Variants in GRB14 observed in about 807,000 individuals in gnomAD.
The protein encoded by GRB14 is growth factor receptor-bound protein 14.
Under a neutral mutation model 69.1 loss-of-function variants are expected in GRB14, and 38 were observed. That is an observed-to-expected ratio of 0.55 (90% CI 0.42 to 0.72). The LOEUF (loss-of-function observed/expected upper bound fraction) is 0.72, where lower values mean the gene tolerates loss of function less well. GRB14 is among the 30% of genes least tolerant of loss of function. GRB14 has a pLI of 0.00. For synonymous variants in GRB14, 247 were observed against 241.3 expected (o/e 1.02, Z -0.22); for missense variants, 666 against 666.1 (o/e 1.00, Z 0.00).
chr2:164,556,079 A>T (rs1370584525), intron 2 of GRB14, among the ~76,000 whole-genome samples: 4 of 152,184 alleles, frequency 2.6e-5, no homozygotes, highest in African/African-American at 9.6e-5. Flanking sequence ...ATTTTTAGAT[A>T]TCTTGAATTA....
intron 3 of GRB14, among the ~76,000 whole-genome samples, chr2:164,544,788 C>A (rs1345138818): frequency 6.6e-6 from 1 of 152,196 alleles, no homozygotes; most frequent in Non-Finnish European, 1.5e-5. Flanking sequence ...TTCCTCTCCA[C>A]AGGCCTTACT....
intron 2 of GRB14, among the ~76,000 whole-genome samples, chr2:164,563,033 A>G (rs534273351): frequency 6.6e-6 from 1 of 152,126 alleles, no homozygotes; most frequent in Non-Finnish European, 1.5e-5. Context: ...CAAGAATGAG[A>G]ACTCTGGATA....
chr2:164,578,885 T>C lies in GRB14; in HGVS notation c.325-31069A>G, dbSNP rs575869713. On this transcript the variant is annotated intron_variant, in intron 2 of 13. Transcript: ENST00000263915. ...TGGAAGAGTTCACTGCATCGCTGTT[T>C]ACAAGAGAAAATGTGGAAACACCAT... Among the ~76,000 whole-genome samples, 4 of 152,296 alleles carry C rather than the reference T, an allele frequency of 2.6e-5. No individual in the cohort carries two copies. In the South Asian group the frequency reaches 8.3e-4, roughly 32 times the overall value.
chr2:164,513,254 C>T (rs1687386284), intron 6 of GRB14, among the ~76,000 whole-genome samples: 1 of 152,144 alleles, frequency 6.6e-6, no homozygotes, highest in Non-Finnish European at 1.5e-5. Context: ...AATTTCACTC[C>T]CTTGTTCAAA....
intron 3 of GRB14, 100 bp from the exon 4 acceptor site, chr2:164,527,235 A>G: frequency 3.7e-6 from 1 of 267,002 alleles, no homozygotes; most frequent in Non-Finnish European, 6.6e-6. Flanking sequence ...ACACAGACAC[A>G]TACAAACATA....
At chr2:164,521,525 A>G (rs1021944509) in intron 6 of GRB14, among the ~76,000 whole-genome samples, 7 of 152,120 alleles carry the variant, frequency 4.6e-5, no homozygotes, top group Admixed American at 1.3e-4. Flanking sequence ...AAATCCATCA[A>G]TCAATAATAA....
intron 6 of GRB14, among the ~76,000 whole-genome samples, chr2:164,514,630 C>T (rs1441187114): frequency 6.6e-6 from 1 of 152,124 alleles, no homozygotes. Context: ...GAAAAGACCA[C>T]AGAGAGAAGG....
intron 4 of GRB14, 69 bp from the exon 5 acceptor site, chr2:164,525,147 G>A: frequency 9.6e-7 from 1 of 1,041,726 alleles, no homozygotes; most frequent in Non-Finnish European, 1.4e-6. Flanking sequence ...GACCAATATA[G>A]TAATCAAAAG....
At chr2:164,588,319 CT>C (rs1689582929) in intron 2 of GRB14, among the ~76,000 whole-genome samples, 1 of 152,148 alleles carries the variant, frequency 6.6e-6, no homozygotes, top group Non-Finnish European at 1.5e-5. Context: ...CAGCAGCAGC[CT>C]TATGTTCTCT....
intron 3 of GRB14, among the ~76,000 whole-genome samples, chr2:164,543,853 TA>T (rs995049913): frequency 3.9e-5 from 6 of 152,330 alleles, no homozygotes; most frequent in African/African-American, 1.2e-4. Context: ...AAAAACATTT[TA>T]AAGACAAAAC....
At chr2:164,546,028 A>G (rs11894526) in intron 3 of GRB14, among the ~76,000 whole-genome samples, 64,533 of 152,118 alleles carry the variant, frequency 0.42, 16,316 homozygotes, top group Non-Finnish European at 0.57. Flanking sequence ...ACTGCTATGG[A>G]TATTTGTACC....
intron 6 of GRB14, among the ~76,000 whole-genome samples, chr2:164,516,606 C>T (rs1687494128): frequency 6.6e-6 from 1 of 151,992 alleles, no homozygotes; most frequent in South Asian, 2.1e-4. Flanking sequence ...AATTATCAGC[C>T]AAAAATTTTG....
intron 3 of GRB14, among the ~76,000 whole-genome samples, chr2:164,538,966 G>GA (rs1292945067): frequency 3.9e-5 from 6 of 152,116 alleles, no homozygotes; most frequent in Admixed American, 3.9e-4. Flanking sequence ...TCCTGAGAGA[G>GA]ATGTAGAGTG....
At chr2:164,573,908 G>A (rs886272398) in intron 2 of GRB14, 12 of 1,612,182 alleles carry the variant, frequency 7.4e-6, no homozygotes, top group African/African-American at 4.0e-5. Flanking sequence ...ATTAGGTCAT[G>A]TGGTTATGGG....
At chr2:164,550,841 C>T (rs1229317326) in intron 2 of GRB14, among the ~76,000 whole-genome samples, 3 of 152,070 alleles carry the variant, frequency 2.0e-5, no homozygotes, top group Non-Finnish European at 2.9e-5. Context: ...GTGGTACGTG[C>T]AAAATTACTT....
At chr2:164,562,271 C>G (rs536935746) in intron 2 of GRB14, among the ~76,000 whole-genome samples, 1 of 152,302 alleles carries the variant, frequency 6.6e-6, no homozygotes, top group Non-Finnish European at 1.5e-5. Context: ...CCGTCTAATA[C>G]TCCTTAGGAC....
In GRB14 at chr2:164,579,501, G is replaced by GCGCA. The variant is rs71393628; in HGVS notation, c.325-31686_325-31685insTGCG. On this transcript the variant is annotated intron_variant, in intron 2 of 13. Transcript: ENST00000263915. ...CCTCATTTTATTACAGGGCACACTTGCACACACACACACACACACACACAC... is the reference window on the plus strand; with the variant it reads ...CCTCATTTTATTACAGGGCACACTTGCGCACACACACACACACACACACACACAC... 7.9e-4 allele frequency among the ~76,000 whole-genome samples: 114 copies of GCGCA among 145,106 alleles called. 1 individual carries two copies. Among genetic ancestry groups the GCGCA allele is most frequent in the African/African-American group, 2.9e-3 (110 of 37,948 alleles).
chr2:164,546,384 G>C (rs1025794538), intron 3 of GRB14, among the ~76,000 whole-genome samples: 1 of 152,106 alleles, frequency 6.6e-6, no homozygotes, highest in Non-Finnish European at 1.5e-5. Context: ...CAGAAAAGCA[G>C]GACTTCCTGA....
In GRB14 at chr2:164,621,266, G is replaced by T; in HGVS notation, c.44C>A (p.Ala15Glu). Reference protein sequence around the residue: ...LQDGQSAASRAAARDSPLAAQ... With the variant: ...LQDGQSAASREAARDSPLAAQ... The stretch of plus-strand genomic sequence containing the variant: ...GGCCAGCGGCGAATCCCGGGCAGCC[G>T]CCCTGCTCGCGGCGCTCTGCCCATC... Residue 15 changes from alanine to glutamate, a missense_variant, in exon 1 of 14, where the codon GCG (alanine) becomes GAG (glutamate). By Grantham distance (107) the Ala-to-Glu change is moderately radical. Transcript: ENST00000263915. The surrounding 1 kb of genome is among the most constrained non-coding windows in gnomAD (Gnocchi z 6.0). The T allele has an allele frequency of 9.4e-6, 12 of 1,282,280 alleles. No homozygotes were observed. The highest frequency in any genetic ancestry group is 1.2e-5 in the Non-Finnish European group (12 of 1,014,072). 79.4% of individuals were successfully genotyped at this position (1,282,280 alleles called of 1,614,324 possible). A position where few individuals can be genotyped will look rare whatever the true frequency, so the allele number is the denominator to read the frequency against.
Sources: allele counts gnomAD v4.1 joint callset (sites outside exome capture counted in the v4.1 genomes callset), GRCh38; gene constraint gnomAD v4.1.1; non-coding constraint Gnocchi (gnomAD v3.1); transcripts MANE v1.5; gene names NCBI Gene and HGNC (gene_info 2026-07-23, HGNC 2026-07-21).